Variants in RIC1 observed in about 807,000 individuals in gnomAD.
RIC1 encodes guanine nucleotide exchange factor subunit RIC1.
Under a neutral mutation model 169.0 loss-of-function variants are expected in RIC1, and 88 were observed. The ratio of observed to expected loss-of-function variants is 0.52; its 90% CI spans 0.44 to 0.62. The LOEUF (loss-of-function observed/expected upper bound fraction) is 0.62. Ranked by LOEUF, RIC1 falls within the 20% of genes least tolerant of loss-of-function variation. The probability of loss-of-function intolerance (pLI) is 0.00; values close to 1 mark genes in which losing one functional copy is unlikely to be tolerated. For synonymous variants in RIC1, 790 were observed against 601.5 expected, an observed-to-expected ratio of 1.31 and a Z score of -4.59; for missense variants, 1,877 against 1,725.5, an observed-to-expected ratio of 1.09 and a Z score of -1.56.
chr9:5,659,469 A>G (rs1419938382), intron 2 of RIC1, among the ~76,000 whole-genome samples: 4 of 152,182 alleles, frequency 2.6e-5, no homozygotes, highest in African/African-American at 2.4e-5. Flanking sequence ...TTGAACCATC[A>G]TAAGTTCAGT....
chr9:5,680,818 T>TA (rs1820778377), intron 2 of RIC1, among the ~76,000 whole-genome samples: 1 of 105,618 alleles, frequency 9.5e-6, no homozygotes, highest in Admixed American at 8.8e-5. Context: ...GTCATTGATT[T>TA]TTTTTTTTTT....
Position 5,762,531 on chromosome 9 carries a change from T to TA in RIC1, c.1993-7dup. 6.2e-7 allele frequency: 1 copy of TA among 1,612,650 alleles called. No individual in the cohort carries two copies. Among genetic ancestry groups the TA allele is most frequent in the Non-Finnish European group, 8.5e-7 (1 of 1,179,468 alleles). On this transcript the variant is annotated splice_polypyrimidine_tract_variant and intron_variant, in intron 17 of 25. Coordinates refer to ENST00000414202, the MANE Select transcript of RIC1 (RefSeq NM_020829.4). Reference sequence around the variant, plus strand: ...AAGTATGAATTTAGCTGCTTTTTCTTAAATTTCAGGCTCGTGGTGCAGAGA... The same window carrying TA: ...AAGTATGAATTTAGCTGCTTTTTCTTAAAATTTCAGGCTCGTGGTGCAGAGA...
chr9:5,728,372 G>A (rs1445169665), intron 6 of RIC1, among the ~76,000 whole-genome samples: 1 of 152,242 alleles, frequency 6.6e-6, no homozygotes, highest in Non-Finnish European at 1.5e-5. Context: ...CTGGTGTGCT[G>A]TTTGCTAAGA....
intron 7 of RIC1, among the ~76,000 whole-genome samples, chr9:5,733,300 G>C (rs867014321): frequency 2.1e-5 from 3 of 140,284 alleles, no homozygotes; most frequent in African/African-American, 8.0e-5. Flanking sequence ...GTCTCGCTCT[G>C]TTGCCCAGGC....
In RIC1 at chr9:5,774,092, G is replaced by T; in HGVS notation, c.4118G>T (p.Arg1373Leu). The T allele has an allele frequency of 6.2e-7, 1 of 1,613,996 alleles. No homozygotes were observed. Among genetic ancestry groups the T allele is most frequent in the Non-Finnish European group, 8.5e-7 (1 of 1,179,982 alleles). Residue 1373 changes from arginine to leucine, a missense_variant, in exon 26 of 26, where the codon CGG becomes CTG. Arg to Leu is a moderately radical substitution (Grantham distance 102). Around this residue, in one of 3 missense-constraint regions of RIC1, gnomAD observed 681 missense variants for 582.0 expected, o/e 1.17. Coordinates refer to ENST00000414202, the MANE Select transcript of RIC1 (RefSeq NM_020829.4). The stretch of plus-strand genomic sequence containing the variant: ...AAGACTCCAGAACAGACTAGCCCCC[G>T]GGCAGAGGAGAGCAGGGGCTCCTCC... The part of the protein sequence containing the change: ...MGKTPEQTSP[R>L]AEESRGSSSH...
chr9:5,762,081 C>A (rs1045022037), intron 17 of RIC1, among the ~76,000 whole-genome samples: 1 of 152,166 alleles, frequency 6.6e-6, no homozygotes, highest in African/African-American at 2.4e-5. Context: ...CTCATAATGT[C>A]CCTAGTCTAG....
chr9:5,630,778 A>G (rs1586848720), intron 1 of RIC1, among the ~76,000 whole-genome samples: 2 of 152,228 alleles, frequency 1.3e-5, no homozygotes, highest in Non-Finnish European at 2.9e-5. Context: ...ATATATAAAC[A>G]TATGTGTAAA....
At position 5,713,941 on chromosome 9, in the gene RIC1, G is replaced by A. The variant is rs139097075; in HGVS notation, c.378G>A (p.Gln126=). 5 of 1,613,212 alleles carry A rather than the reference G, an allele frequency of 3.1e-6. No individual in the cohort carries two copies. Among genetic ancestry groups the A allele is most frequent in the African/African-American group, 2.7e-5 (2 of 74,906 alleles). The change falls in exon 4 of 26, where the codon CAG becomes CAA. Residue 126 remains glutamine, a synonymous_variant. Transcript: ENST00000414202. The stretch of plus-strand genomic sequence containing the variant: ...GGACACCCCATTTTAAGGAAGAACA[G>A]TGTGCTCCAGCATTAAATTTGGAGA... The part of the protein sequence containing the change: ...MKGTPHFKEE[Q]CAPALNLEMR...
rs778471356 is a variant in RIC1, at chr9:5,763,144, C to G, written c.2117C>G (p.Pro706Arg). Residue 706 changes from proline to arginine, a missense_variant, in exon 19 of 26, where the codon CCA (proline) becomes CGA (arginine). By Grantham distance (103) the Pro-to-Arg change is moderately radical. This residue lies in a region of RIC1 where 1,104 missense variants were observed against 992.0 expected (regional missense o/e 1.11). Coordinates refer to ENST00000414202, the MANE Select transcript of RIC1 (RefSeq NM_020829.4). This position sits in a 1 kb window ranked among gnomAD's most constrained non-coding sequence, Gnocchi z 5.2. ...SNPNNQRKLL[P>R]FCPPVVLAQS... ...TTCTTGTCTCTCCTTCTCCAGCTGC[C>G]ATTCTGTCCTCCTGTTGTACTAGCC... The G allele has an allele frequency of 6.2e-7, 1 of 1,611,224 alleles. No individual in the cohort carries two copies. Among genetic ancestry groups the G allele is most frequent in the South Asian group, 1.1e-5 (1 of 90,884 alleles).
At position 5,690,515 on chromosome 9, in the gene RIC1, C is replaced by G. The variant is rs1010344656; in HGVS notation, c.332+477C>G. Among the ~76,000 whole-genome samples, 6 of 150,984 alleles carry G rather than the reference C, an allele frequency of 4.0e-5. No individual in the cohort carries two copies. In the East Asian group the frequency reaches 9.7e-4, roughly 24 times the overall value. The stretch of plus-strand genomic sequence containing the variant: ...ATATTTTGCATTCTTTTCCTTATAG[C>G]AGGCCTTAACTTTTGAAATAAAAGA... On this transcript the variant is annotated intron_variant, in intron 3 of 25. Transcript: ENST00000414202.
intron 1 of RIC1, among the ~76,000 whole-genome samples, chr9:5,653,124 C>G (rs780605226): frequency 2.6e-5 from 4 of 152,106 alleles, no homozygotes; most frequent in African/African-American, 9.7e-5. Context: ...CTGTGTTCAT[C>G]AGGTATTTAT....
intron 6 of RIC1, among the ~76,000 whole-genome samples, chr9:5,722,346 A>AGT (rs1343192304): frequency 5.7e-4 from 34 of 59,230 alleles, no homozygotes; most frequent in East Asian, 1.1e-3. Context: ...TAAGAGAGAG[A>AGT]GAGTGTGTGT....
At chr9:5,724,626 C>G (rs1375783039) in intron 6 of RIC1, among the ~76,000 whole-genome samples, 1 of 152,216 alleles carries the variant, frequency 6.6e-6, no homozygotes, top group African/African-American at 2.4e-5. Context: ...GAGGACATCC[C>G]TGTCTTGTGC....
chr9:5,743,855 G>C, intron 10 of RIC1, 118 bp downstream of exon 10: 1 of 737,492 alleles, frequency 1.4e-6, no homozygotes, highest in Non-Finnish European at 2.2e-6. Flanking sequence ...CTGTCACCCA[G>C]GTTGGAGAGC....
chr9:5,656,766 G>T (rs1819125052), intron 2 of RIC1, 76 bp downstream of exon 2: 3 of 856,284 alleles, frequency 3.5e-6, no homozygotes, highest in Non-Finnish European at 3.8e-6. Context: ...TCTCTTAGAT[G>T]ACTTTCTTTC....
At chr9:5,729,659 G>A (rs1291373578) in intron 6 of RIC1, among the ~76,000 whole-genome samples, 1 of 152,040 alleles carries the variant, frequency 6.6e-6, no homozygotes, top group Non-Finnish European at 1.5e-5. Context: ...TAACTGGAAA[G>A]GAATTTAAGT....
intron 2 of RIC1, among the ~76,000 whole-genome samples, chr9:5,677,944 C>T (rs1173712460): frequency 6.6e-6 from 1 of 151,904 alleles, no homozygotes; most frequent in African/African-American, 2.4e-5. Context: ...TAGTGTGATG[C>T]ACCCATTAAC....
chr9:5,677,413 G>C (rs1315341110), intron 2 of RIC1, among the ~76,000 whole-genome samples: 1 of 152,050 alleles, frequency 6.6e-6, no homozygotes, highest in Non-Finnish European at 1.5e-5. Flanking sequence ...TTTGCATCTT[G>C]ATATCTGTTC....
At chr9:5,680,089 T>C (rs913056678) in intron 2 of RIC1, among the ~76,000 whole-genome samples, 6 of 152,210 alleles carry the variant, frequency 3.9e-5, no homozygotes, top group African/African-American at 1.4e-4. Context: ...TCTGCATCTA[T>C]TGAGATAATC....
Sources: allele counts gnomAD v4.1 joint callset (sites outside exome capture counted in the v4.1 genomes callset), GRCh38; gene constraint gnomAD v4.1.1; regional missense constraint gnomAD v4.1.1; non-coding constraint Gnocchi (gnomAD v3.1); transcripts MANE v1.5; gene names NCBI Gene and HGNC (gene_info 2026-07-23, HGNC 2026-07-21).